Variants in PSMD4 observed in about 807,000 individuals in gnomAD.
PSMD4 encodes the protein proteasome 26S subunit ubiquitin receptor, non-ATPase 4.
A neutral mutation model predicts 39.7 loss-of-function variants in PSMD4; 5 were observed. The ratio of observed to expected loss-of-function variants is 0.13; its 90% CI spans 0.07 to 0.26. The LOEUF is 0.26. Ranked by LOEUF, PSMD4 falls within the 10% of genes least tolerant of loss-of-function variation. PSMD4 has a pLI of 1.00. For synonymous variants in PSMD4, 143 were observed against 174.6 expected (o/e 0.82, Z 1.43); for missense variants, 272 against 486.1 (o/e 0.56, Z 4.14).
intron 1 of PSMD4, among the ~76,000 whole-genome samples, chr1:151,258,553 G>A (rs1045455343): frequency 6.8e-6 from 1 of 146,842 alleles, no homozygotes; most frequent in East Asian, 2.0e-4. Context: ...CTCGACCTCC[G>A]GGGCTCAAGT....
At chr1:151,260,086 C>T (rs1693279762) in intron 1 of PSMD4, among the ~76,000 whole-genome samples, 1 of 151,768 alleles carries the variant, frequency 6.6e-6, no homozygotes, top group Non-Finnish European at 1.5e-5. Context: ...GTTATCCCAG[C>T]TACTTAGGAG....
intron 1 of PSMD4, among the ~76,000 whole-genome samples, chr1:151,259,860 C>T (rs964240992): frequency 1.3e-5 from 2 of 151,786 alleles, no homozygotes; most frequent in Non-Finnish European, 2.9e-5. Flanking sequence ...GGATTACAGA[C>T]GTGAGCCACC....
intron 4 of PSMD4, 62 bp from the exon 5 acceptor site, chr1:151,265,104 C>G: frequency 7.3e-7 from 1 of 1,379,098 alleles, no homozygotes; most frequent in Non-Finnish European, 9.8e-7. Context: ...TTTTATGCGG[C>G]GGGTCCTTTC....
chr1:151,260,478 GT>G (rs929880166), intron 1 of PSMD4, among the ~76,000 whole-genome samples: 4 of 152,148 alleles, frequency 2.6e-5, no homozygotes, highest in Non-Finnish European at 5.9e-5. Flanking sequence ...CATTTTTACC[GT>G]TCAGTTCAGC....
At chr1:151,264,757 A>G in intron 3 of PSMD4, 75 bp from the exon 4 acceptor site, 2 of 1,228,718 alleles carry the variant, frequency 1.6e-6, no homozygotes, top group Non-Finnish European at 1.2e-6. Context: ...TGTAAGAAAA[A>G]GGGAACCGAG....
chr1:151,264,776 G>T, intron 3 of PSMD4, 56 bp from the exon 4 acceptor site: 1 of 1,400,278 alleles, frequency 7.1e-7, no homozygotes, highest in South Asian at 1.2e-5. Flanking sequence ...AGTGACAGAG[G>T]AAAGAGCTGA....
At chr1:151,261,802 T>A (rs1693326378) in intron 1 of PSMD4, among the ~76,000 whole-genome samples, 1 of 151,742 alleles carries the variant, frequency 6.6e-6, no homozygotes, top group Non-Finnish European at 1.5e-5. Flanking sequence ...AAAAAAAATT[T>A]AAAAGGTAGC....
intron 9 of PSMD4, 117 bp downstream of exon 9, chr1:151,266,704 A>G: frequency 8.3e-7 from 1 of 1,210,566 alleles, no homozygotes; most frequent in Non-Finnish European, 1.2e-6. Context: ...AGGGAAACAC[A>G]TGGATTTGCA....
intron 1 of PSMD4, 117 bp downstream of exon 1, chr1:151,254,925 C>A: frequency 1.5e-6 from 2 of 1,303,590 alleles, no homozygotes; most frequent in Non-Finnish European, 2.0e-6. Context: ...CGGCCCTGGC[C>A]CCGGAGGTAA....
Position 151,262,215 on chromosome 1 carries a change from G to T in PSMD4, c.81G>T (p.Gln27His). The T allele has an allele frequency of 6.2e-7, 1 of 1,614,174 alleles. No individual in the cohort carries two copies. The highest frequency in any genetic ancestry group is 8.5e-7 in the Non-Finnish European group (1 of 1,180,028). Reference protein sequence around the residue: ...RNGDFLPTRLQAQQDAVNIVC... With the variant: ...RNGDFLPTRLHAQQDAVNIVC... ...GAGACTTCTTACCCACCAGGCTGCA[G>T]GCCCAGCAGGATGCTGTCAACATAG... The change falls in exon 2 of 10, where the codon CAG becomes CAT. Residue 27 changes from glutamine (Q) to histidine (H), a missense_variant. This residue lies in a region of PSMD4 where 153 missense variants were observed against 257.6 expected (regional missense o/e 0.59). Transcript: ENST00000368884.
At chr1:151,261,456 T>C (rs1693318238) in intron 1 of PSMD4, among the ~76,000 whole-genome samples, 1 of 152,122 alleles carries the variant, frequency 6.6e-6, no homozygotes, top group Non-Finnish European at 1.5e-5. Context: ...ATTACAGACA[T>C]GAGCCACCGC....
chr1:151,255,689 A>C (rs1325321563), intron 1 of PSMD4, among the ~76,000 whole-genome samples: 1 of 152,004 alleles, frequency 6.6e-6, no homozygotes, highest in African/African-American at 2.4e-5. Flanking sequence ...GCCAGATAAC[A>C]TACAGGATGC....
chr1:151,267,369 C>A lies in PSMD4; in HGVS notation c.*26C>A. The A allele has an allele frequency of 6.2e-7, 1 of 1,610,842 alleles. No individual in the cohort carries two copies. The highest frequency in any genetic ancestry group is 1.1e-5 in the South Asian group (1 of 90,848). On this transcript the variant is annotated 3_prime_UTR_variant, in exon 10 of 10. Coordinates refer to ENST00000368884, the MANE Select transcript of PSMD4 (RefSeq NM_002810.4). ...GACTGGAGGGAAAGGGTAGCTGAGTCTGCTTAGGGGACTGCATGGGAAGCA... is the reference window on the plus strand; with the variant it reads ...GACTGGAGGGAAAGGGTAGCTGAGTATGCTTAGGGGACTGCATGGGAAGCA...
In PSMD4 at chr1:151,266,361, A is replaced by G. The variant is rs1443562894; in HGVS notation, c.817A>G (p.Thr273Ala). The change falls in exon 8 of 10, where the codon ACT (threonine) becomes GCT (alanine). Residue 273 changes from threonine (T) to alanine (A), a missense_variant. Coordinates refer to ENST00000368884, the MANE Select transcript of PSMD4 (RefSeq NM_002810.4). Reference protein sequence around the residue: ...MTISQQEFGRTGLPDLSSMTE... With the variant: ...MTISQQEFGRAGLPDLSSMTE... ...CATCAGCCAGCAAGAGTTTGGCCGC[A>G]CTGGGCTTCCTGACCTAAGCAGTAT... 1.2e-6 allele frequency: 2 copies of G among 1,614,086 alleles called. No individual in the cohort carries two copies. The highest frequency in any genetic ancestry group is 1.6e-4 in the Middle Eastern group (1 of 6,084).
chr1:151,257,616 C>T (rs1444392037), intron 1 of PSMD4, among the ~76,000 whole-genome samples: 9 of 150,576 alleles, frequency 6.0e-5, no homozygotes, highest in Non-Finnish European at 1.0e-4. Context: ...GGTGTGATCT[C>T]GGCTCATTGC....
At position 151,266,071 on chromosome 1, in the gene PSMD4, C is replaced by T. The variant is rs1056406; in HGVS notation, c.722C>T (p.Ala241Val). 2 of 1,607,576 alleles carry T rather than the reference C, an allele frequency of 1.2e-6. No individual in the cohort carries two copies. Among genetic ancestry groups the T allele is most frequent in the East Asian group, 4.5e-5 (2 of 44,848 alleles). ...QEEEARRAAA[A>V]SAAEAGIATT... ...GAGGAGGCCCGGCGGGCAGCTGCAG[C>T]TTCTGCTGCTGAGGCCGGGATTGCT... is the stretch of plus-strand genomic sequence containing the variant. The change falls in exon 7 of 10, where the codon GCT (alanine) becomes GTT (valine). Residue 241 changes from alanine to valine, a missense_variant. Physicochemically the swap from Ala to Val is moderately conservative, Grantham distance 64. Around this residue, in one of 3 missense-constraint regions of PSMD4, gnomAD observed 113 missense variants for 184.6 expected, o/e 0.61. Transcript: ENST00000368884.
At chr1:151,254,876 A>C in intron 1 of PSMD4, 68 bp downstream of exon 1, 2,030 of 974,784 alleles carry the variant, frequency 2.1e-3, no homozygotes, top group Non-Finnish European at 2.6e-3. Flanking sequence ...CAAGGCAGGG[A>C]GGGCCTGGGG....
At position 151,264,041 on chromosome 1, in the gene PSMD4, G is replaced by C; in HGVS notation, c.282+13G>C. ...CCGCGTGGCCCATGTGAGTCCTACTGGGTTCCCTGGACCTTTCCTCCCTGC... is the reference window on the plus strand; with the variant it reads ...CCGCGTGGCCCATGTGAGTCCTACTCGGTTCCCTGGACCTTTCCTCCCTGC... On this transcript the variant is annotated intron_variant, in intron 3 of 9. Coordinates refer to ENST00000368884, the MANE Select transcript of PSMD4 (RefSeq NM_002810.4). The C allele has an allele frequency of 6.5e-7, 1 of 1,545,776 alleles. No homozygotes were observed. Among genetic ancestry groups the C allele is most frequent in the Non-Finnish European group, 8.8e-7 (1 of 1,133,522 alleles).
intron 1 of PSMD4, among the ~76,000 whole-genome samples, chr1:151,256,899 G>A (rs1044457348): frequency 1.3e-5 from 2 of 151,972 alleles, no homozygotes; most frequent in South Asian, 4.1e-4. Flanking sequence ...ACAGGCATGC[G>A]CCACCACGCC....
Sources: gnomAD v4.1 joint callset for allele counts (sites outside exome capture counted in the v4.1 genomes callset) on GRCh38, gnomAD v4.1.1 for gene constraint, gnomAD v4.1.1 regional missense constraint, MANE v1.5 for transcripts, NCBI Gene and HGNC (gene_info 2026-07-23, HGNC 2026-07-21) for gene names.